Variants in MCM2 observed in about 807,000 individuals in gnomAD.
MCM2 encodes minichromosome maintenance complex component 2.
A neutral mutation model predicts 86.4 loss-of-function variants in MCM2; 49 were observed. The observed-to-expected ratio is 0.57, with a 90% CI of 0.45 to 0.72. The LOEUF (loss-of-function observed/expected upper bound fraction) is 0.72, where lower values mean the gene tolerates loss of function less well. Among genes scored for constraint, MCM2 ranks in the 30% least tolerant of loss-of-function variants. The pLI is 0.00. For missense variants in MCM2, 1,038 were observed against 1,259.9 expected, an observed-to-expected ratio of 0.82 and a Z score of 2.67; for synonymous variants, 475 against 484.6, an observed-to-expected ratio of 0.98 and a Z score of 0.26.
At chr3:127,607,046 T>A (rs2074357136) in intron 6 of MCM2, among the ~76,000 whole-genome samples, 1 of 152,266 alleles carries the variant, frequency 6.6e-6, no homozygotes, top group Non-Finnish European at 1.5e-5. Flanking sequence ...TCAGGCGATT[T>A]GTTTAAACCA....
chr3:127,604,708 G>A lies in MCM2; in HGVS notation c.337G>A (p.Ala113Thr). The change falls in exon 3 of 16, where the codon GCA becomes ACA. Residue 113 changes from alanine to threonine, a missense_variant. Coordinates refer to ENST00000265056, the MANE Select transcript of MCM2 (RefSeq NM_004526.4). ...EELTASQREA[A>T]ERAMRQRDRE... ...GCTGACGGCCAGTCAGAGGGAGGCA[G>A]CAGAGCGGGCCATGCGGCAGCGTGA... 6.2e-7 allele frequency: 1 copy of A among 1,612,264 alleles called. No individual in the cohort carries two copies. The highest frequency in any genetic ancestry group is 2.2e-5 in the East Asian group (1 of 44,884).
chr3:127,603,700 C>T (rs559779233), intron 2 of MCM2, among the ~76,000 whole-genome samples: 31 of 148,700 alleles, frequency 2.1e-4, no homozygotes, highest in Non-Finnish European at 2.7e-4. Context: ...CACTCTGTTG[C>T]GACCAGGCTG....
rs1239501273 is a variant in MCM2, at chr3:127,621,349, T to C, written c.2604+121T>C. 4 of 1,194,682 alleles carry C rather than the reference T, an allele frequency of 3.3e-6. 1 individual carries two copies. The South Asian group carries it at 4.3e-5, about 13-fold the overall frequency. 74.0% of individuals were successfully genotyped at this position (1,194,682 alleles called of 1,614,324 possible). A position where few individuals can be genotyped will look rare whatever the true frequency, so the allele number is the denominator to read the frequency against. On this transcript the variant is annotated intron_variant, in intron 15 of 15. Transcript: ENST00000265056. ...GTGGGCCTTGGTTGACAGCCATTTA[T>C]TGAATGCTTACAGTCTGTTGAGTCC...
Position 127,617,589 on chromosome 3 carries a change from G to C in MCM2, c.1900+184G>C, listed in dbSNP as rs949860738. On this transcript the variant is annotated intron_variant, in intron 11 of 15. Transcript: ENST00000265056. This position sits in a 1 kb window ranked among gnomAD's most constrained non-coding sequence, Gnocchi z 4.1. Reference sequence around the variant, plus strand: ...GTGAAAGTGGGACCTGGGACACCTGGGTTTCCTGTTGAGTCATGTTCCTGG... The same window carrying C: ...GTGAAAGTGGGACCTGGGACACCTGCGTTTCCTGTTGAGTCATGTTCCTGG... The C allele has an allele frequency of 4.0e-6, 3 of 749,502 alleles. No individual in the cohort carries two copies. Among genetic ancestry groups the C allele is most frequent in the Admixed American group, 2.9e-5 (1 of 34,022 alleles). 46.4% of individuals were successfully genotyped at this position (749,502 alleles called of 1,614,324 possible).
Position 127,617,067 on chromosome 3 carries a change from G to A in MCM2, c.1722G>A (p.Gly574=). Reference sequence around the variant, plus strand: ...GCAGGGAGTGGACCTTGGAGGCTGGGGCCCTGGTTCTGGCTGACCGAGGAG... The same window carrying A: ...GCAGGGAGTGGACCTTGGAGGCTGGAGCCCTGGTTCTGGCTGACCGAGGAG... The part of the protein sequence containing the change: ...PVSREWTLEA[G]ALVLADRGVC... The change falls in exon 10 of 16, where the codon GGG becomes GGA. Residue 574 remains glycine (G), a synonymous_variant. Coordinates refer to ENST00000265056, the MANE Select transcript of MCM2 (RefSeq NM_004526.4). This position sits in a 1 kb window ranked among gnomAD's most constrained non-coding sequence, Gnocchi z 4.1. The A allele has an allele frequency of 6.2e-7, 1 of 1,614,202 alleles. No individual in the cohort carries two copies. Among genetic ancestry groups the A allele is most frequent in the Middle Eastern group, 1.6e-4 (1 of 6,062 alleles).
At chr3:127,616,115 G>A (rs777266943) in intron 9 of MCM2, among the ~76,000 whole-genome samples, 160 bp downstream of exon 9, 2 of 152,202 alleles carry the variant, frequency 1.3e-5, no homozygotes, top group Non-Finnish European at 2.9e-5. Context: ...AAGGGAGAGG[G>A]TGGCCCTGAG....
intron 2 of MCM2, among the ~76,000 whole-genome samples, chr3:127,604,068 C>G (rs1027470033): frequency 1.3e-5 from 2 of 152,226 alleles, no homozygotes; most frequent in African/African-American, 2.4e-5. Flanking sequence ...GAATTATAGG[C>G]ATGAACCACC....
At position 127,611,946 on chromosome 3, in the gene MCM2, G is replaced by A. The variant is rs538436971; in HGVS notation, c.1428+2923G>A. On this transcript the variant is annotated intron_variant, in intron 8 of 15. Transcript: ENST00000265056. ...GATCTCCTGACCTCGTGATCCGCCC[G>A]CCTCGGCCTCCCAAAGTGCTGGGAT... Among the ~76,000 whole-genome samples the A allele has an allele frequency of 1.4e-5, 2 of 144,362 alleles. 1 individual carries two copies. The highest frequency in any genetic ancestry group is 4.5e-4 in the South Asian group (2 of 4,410). 94.7% of individuals were successfully genotyped at this position (144,362 alleles called of 152,430 possible).
rs765486754 is a variant in MCM2, at chr3:127,606,111, C to T, written c.674-7C>T. 1.6e-5 allele frequency: 26 copies of T among 1,612,142 alleles called. 1 individual carries two copies. In the South Asian group the frequency reaches 2.7e-4, roughly 17 times the overall value. ...GTTAACTCTCTTCCCACTGTGCCCC[C>T]TTCTAGAGAACCGTGAGAGCCTGGT... On this transcript the variant is annotated splice_polypyrimidine_tract_variant and splice_region_variant and intron_variant, in intron 4 of 15. Transcript: ENST00000265056. This position sits in a 1 kb window ranked among gnomAD's most constrained non-coding sequence, Gnocchi z 4.2.
chr3:127,616,497 C>A (rs1038180603), intron 9 of MCM2, among the ~76,000 whole-genome samples: 2 of 152,228 alleles, frequency 1.3e-5, no homozygotes, highest in African/African-American at 4.8e-5. Flanking sequence ...CCACCGAGCT[C>A]TCCCGCTCAG....
rs866264501 is a variant in MCM2, at chr3:127,617,032, C to T, written c.1687C>T (p.His563Tyr). ...AVGLTAYVQR[H>Y]PVSREWTLEA... ...GGGCCTCACGGCGTATGTCCAGCGG[C>T]ACCCTGTCAGCAGGGAGTGGACCTT... Residue 563 changes from histidine to tyrosine, a missense_variant, in exon 10 of 16, where the codon CAC (histidine) becomes TAC (tyrosine). Around this residue, in one of 4 missense-constraint regions of MCM2, gnomAD observed 399 missense variants for 507.2 expected, o/e 0.79. Transcript: ENST00000265056. This position sits in a 1 kb window ranked among gnomAD's most constrained non-coding sequence, Gnocchi z 4.1. The T allele has an allele frequency of 2.5e-6, 4 of 1,614,232 alleles. No homozygotes were observed. The highest frequency in any genetic ancestry group is 3.3e-4 in the Middle Eastern group (2 of 6,062).
chr3:127,599,320 A>G lies in MCM2; in HGVS notation c.9A>G (p.Glu3=). MA[E]SSESFTMASS... ...GACAACCGCACCTTCTCTTGCAGGA[A>G]TCATCGGAATCCTTCACCATGGCAT... Residue 3 remains glutamate, a splice_region_variant and synonymous_variant, in exon 2 of 16, where the codon GAA becomes GAG. Coordinates refer to ENST00000265056, the MANE Select transcript of MCM2 (RefSeq NM_004526.4). 2 of 1,613,840 alleles carry G rather than the reference A, an allele frequency of 1.2e-6. No individual in the cohort carries two copies. Among genetic ancestry groups the G allele is most frequent in the Admixed American group, 1.7e-5 (1 of 60,024 alleles).
intron 1 of MCM2, chr3:127,598,973 A>C (rs2074280905): frequency 2.5e-6 from 1 of 401,254 alleles, no homozygotes; most frequent in Non-Finnish European, 4.5e-6. Context: ...GTGTGCTGAA[A>C]TAGGTCTAAT....
intron 8 of MCM2, 130 bp from the exon 9 acceptor site, chr3:127,615,732 C>A: frequency 1.5e-6 from 1 of 684,780 alleles, no homozygotes. Flanking sequence ...GGGCCTGATG[C>A]AGTTGCAGCA....
At chr3:127,605,851 T>C (rs1270854295) in intron 4 of MCM2, among the ~76,000 whole-genome samples, 1 of 152,242 alleles carries the variant, frequency 6.6e-6, no homozygotes, top group Non-Finnish European at 1.5e-5. Context: ...CGTTTCATGT[T>C]TGTAGCTGTG....
intron 2 of MCM2, among the ~76,000 whole-genome samples, chr3:127,602,665 T>C (rs2074313998): frequency 6.6e-6 from 1 of 152,242 alleles, no homozygotes; most frequent in African/African-American, 2.4e-5. Context: ...TATTAAGGCA[T>C]TACTTCTCTT....
At position 127,621,926 on chromosome 3, in the gene MCM2, T is replaced by C; in HGVS notation, c.*153T>C. The C allele has an allele frequency of 1.7e-6, 1 of 587,006 alleles. No homozygotes were observed. Among genetic ancestry groups the C allele is most frequent in the Non-Finnish European group, 3.0e-6 (1 of 331,826 alleles). 36.4% of individuals were successfully genotyped at this position (587,006 alleles called of 1,614,324 possible). A position where few individuals can be genotyped will look rare whatever the true frequency, so the allele number is the denominator to read the frequency against. ...GATGTCTGGCTGCACCTGGCATGAC[T>C]GTTTGTTTCTCCAAGCCTGCTTTGT... is the stretch of plus-strand genomic sequence containing the variant. On this transcript the variant is annotated 3_prime_UTR_variant, in exon 16 of 16. Coordinates refer to ENST00000265056, the MANE Select transcript of MCM2 (RefSeq NM_004526.4).
chr3:127,604,628 A>T lies in MCM2; in HGVS notation c.257A>T (p.Glu86Val), dbSNP rs2107687115. The T allele has an allele frequency of 6.2e-7, 1 of 1,613,290 alleles. No homozygotes were observed. The highest frequency in any genetic ancestry group is 1.1e-5 in the South Asian group (1 of 91,050). Reference protein sequence around the residue: ...GMERDYRAIPELDAYEAEGLA... With the variant: ...GMERDYRAIPVLDAYEAEGLA... ...CTCAGGGACTACCGCGCCATCCCAG[A>T]GCTGGACGCCTATGAGGCCGAGGGA... Residue 86 changes from glutamate to valine, a missense_variant, in exon 3 of 16, where the codon GAG becomes GTG. Physicochemically the swap from Glu to Val is moderately radical, Grantham distance 121. This residue lies in a region of MCM2 where 300 missense variants were observed against 307.4 expected (regional missense o/e 0.98). Coordinates refer to ENST00000265056, the MANE Select transcript of MCM2 (RefSeq NM_004526.4).
At position 127,599,496 on chromosome 3, in the gene MCM2, C is replaced by T; in HGVS notation, c.185C>T (p.Pro62Leu). The T allele has an allele frequency of 6.2e-7, 1 of 1,614,086 alleles. No individual in the cohort carries two copies. The highest frequency in any genetic ancestry group is 1.1e-5 in the South Asian group (1 of 91,074). The change falls in exon 2 of 16, where the codon CCC becomes CTC. Residue 62 changes from proline (P) to leucine (L), a missense_variant. Pro to Leu is a moderately conservative substitution (Grantham distance 98). Coordinates refer to ENST00000265056, the MANE Select transcript of MCM2 (RefSeq NM_004526.4). ...GAGGGGCTCCTAGGCACAGAGGGGCCCCTGGAGGAAGAAGAGGATGGAGAG... is the reference window on the plus strand; with the variant it reads ...GAGGGGCTCCTAGGCACAGAGGGGCTCCTGGAGGAAGAAGAGGATGGAGAG... ...ESEGLLGTEG[P>L]LEEEEDGEEL...
Sources: allele counts gnomAD v4.1 joint callset (sites outside exome capture counted in the v4.1 genomes callset), GRCh38; gene constraint gnomAD v4.1.1; regional missense constraint gnomAD v4.1.1; non-coding constraint Gnocchi (gnomAD v3.1); transcripts MANE v1.5; gene names NCBI Gene and HGNC (gene_info 2026-07-23, HGNC 2026-07-21).